Variants in DCLK2 observed in about 807,000 individuals in gnomAD.
DCLK2 encodes the protein doublecortin like kinase 2, also known as serine/threonine-protein kinase DCLK2.
DCLK2 carries 31 observed loss-of-function variants against 78.4 expected under a neutral mutation model. The ratio of observed to expected loss-of-function variants is 0.40; its 90% CI spans 0.30 to 0.53. The LOEUF is 0.53. DCLK2 is among the 20% of genes least tolerant of loss of function. The probability of loss-of-function intolerance (pLI) is 0.61; values close to 1 mark genes in which losing one functional copy is unlikely to be tolerated. For synonymous variants in DCLK2, 407 were observed against 374.9 expected, an observed-to-expected ratio of 1.09 and a Z score of -0.99; for missense variants, 872 against 973.7, an observed-to-expected ratio of 0.90 and a Z score of 1.39.
chr4:150,125,523 T>C (rs540599031), intron 2 of DCLK2, among the ~76,000 whole-genome samples: 18 of 152,268 alleles, frequency 1.2e-4, no homozygotes, highest in African/African-American at 4.3e-4. Context: ...CAATGTTTGG[T>C]AAGTGGGAAA....
chr4:150,240,948 C>T (rs1246743315), intron 12 of DCLK2, among the ~76,000 whole-genome samples: 1 of 152,122 alleles, frequency 6.6e-6, no homozygotes, highest in African/African-American at 2.4e-5. Context: ...ACCCATAATA[C>T]AGTGTCTACC....
intron 2 of DCLK2, 55 bp from the exon 3 acceptor site, chr4:150,193,083 T>C: frequency 1.8e-6 from 2 of 1,089,666 alleles, no homozygotes; most frequent in East Asian, 4.8e-5. Flanking sequence ...GTTTTGCTTT[T>C]CATTTCACTT....
Position 150,141,139 on chromosome 4 carries a change from G to GTGTTTCTTAAT in DCLK2, c.756+38329_756+38339dup, listed in dbSNP as rs1448020875. 2.6e-5 allele frequency among the ~76,000 whole-genome samples: 4 copies of GTGTTTCTTAAT among 152,136 alleles called. 1 individual carries two copies. Among genetic ancestry groups the GTGTTTCTTAAT allele is most frequent in the Non-Finnish European group, 5.9e-5 (4 of 68,030 alleles). ...TTAGCCTAAGAGTTTTAATTTCATAGTGTTTCTTAATTCTTAACACTAGGC... is the reference window on the plus strand; with the variant it reads ...TTAGCCTAAGAGTTTTAATTTCATAGTGTTTCTTAATTGTTTCTTAATTCTTAACACTAGGC... On this transcript the variant is annotated intron_variant, in intron 2 of 15. Transcript: ENST00000296550.
At chr4:150,202,735 C>T (rs1447142998) in intron 4 of DCLK2, among the ~76,000 whole-genome samples, 2 of 152,034 alleles carry the variant, frequency 1.3e-5, no homozygotes, top group African/African-American at 4.8e-5. Context: ...ATGAATGACA[C>T]TTTTCATCTA....
chr4:150,131,229 T>C (rs1733289101), intron 2 of DCLK2, among the ~76,000 whole-genome samples: 1 of 152,042 alleles, frequency 6.6e-6, no homozygotes, highest in Admixed American at 6.6e-5. Flanking sequence ...AGCTCACCAT[T>C]GTGTTAAGGC....
Position 150,256,461 on chromosome 4 carries a change from G to T in DCLK2, c.*214G>T. The T allele has an allele frequency of 3.5e-6, 2 of 576,678 alleles. No individual in the cohort carries two copies. Among genetic ancestry groups the T allele is most frequent in the Non-Finnish European group, 5.8e-6 (2 of 343,630 alleles). The allele number at this position is 576,678 out of a possible 1,614,324, so 35.7% of individuals were successfully genotyped here. ...CTTCTGGTTCCTGGAGGCATCAAAG[G>T]CTGCATCCGTTCTGCCAACAGCTGT... On this transcript the variant is annotated 3_prime_UTR_variant, in exon 16 of 16. Coordinates refer to ENST00000296550, the MANE Select transcript of DCLK2 (RefSeq NM_001040260.4).
At chr4:150,166,921 G>A (rs1736130755) in intron 2 of DCLK2, among the ~76,000 whole-genome samples, 1 of 152,160 alleles carries the variant, frequency 6.6e-6, no homozygotes, top group South Asian at 2.1e-4. Context: ...TTGTCTTAAG[G>A]ATAAGTGGTG....
chr4:150,174,461 C>T (rs969641019), intron 2 of DCLK2, among the ~76,000 whole-genome samples: 10 of 152,154 alleles, frequency 6.6e-5, no homozygotes, highest in East Asian at 5.8e-4. Flanking sequence ...TTGTCAGAAG[C>T]GGGGACTGCT....
chr4:150,170,703 A>G (rs895151858), intron 2 of DCLK2, among the ~76,000 whole-genome samples: 1 of 152,198 alleles, frequency 6.6e-6, no homozygotes, highest in Non-Finnish European at 1.5e-5. Context: ...CAATATTAAG[A>G]GGCTGAGTTA....
At chr4:150,215,467 A>G (rs1740626058) in intron 5 of DCLK2, among the ~76,000 whole-genome samples, 1 of 152,166 alleles carries the variant, frequency 6.6e-6, no homozygotes, top group Admixed American at 6.5e-5. Flanking sequence ...ATTAATTTGC[A>G]TTTCACTGAA....
At chr4:150,098,507 A>G (rs2150148583) in intron 1 of DCLK2, among the ~76,000 whole-genome samples, 1 of 152,116 alleles carries the variant, frequency 6.6e-6, no homozygotes, top group South Asian at 2.1e-4. Context: ...TTGAACTCTA[A>G]TTTTTATTTT....
intron 2 of DCLK2, among the ~76,000 whole-genome samples, chr4:150,177,343 G>T (rs1222311479): frequency 6.6e-6 from 1 of 152,040 alleles, no homozygotes; most frequent in African/African-American, 2.4e-5. Context: ...AAGAAGCCCT[G>T]TATGGAGTAA....
intron 4 of DCLK2, chr4:150,199,067 C>G: frequency 1.9e-6 from 3 of 1,596,396 alleles, no homozygotes; most frequent in Non-Finnish European, 2.5e-6. Flanking sequence ...TATTCTACAG[C>G]CAAATCCCCA....
chr4:150,231,615 T>C (rs1357889944), intron 8 of DCLK2, among the ~76,000 whole-genome samples: 1 of 152,202 alleles, frequency 6.6e-6, no homozygotes, highest in African/African-American at 2.4e-5. Context: ...ATTCTGTAAG[T>C]AAACATTTTG....
intron 2 of DCLK2, among the ~76,000 whole-genome samples, chr4:150,152,196 A>G (rs1034445303): frequency 6.6e-6 from 1 of 152,022 alleles, no homozygotes; most frequent in African/African-American, 2.4e-5. Context: ...AACCTTCAGT[A>G]TGTTAGCCTT....
At chr4:150,147,267 C>A (rs527671781) in intron 2 of DCLK2, among the ~76,000 whole-genome samples, 1 of 152,270 alleles carries the variant, frequency 6.6e-6, no homozygotes, top group Admixed American at 6.5e-5. Flanking sequence ...CACTGCCCTC[C>A]ATCCTGGGCA....
chr4:150,206,433 C>T (rs1271953363), intron 5 of DCLK2, among the ~76,000 whole-genome samples: 3 of 151,918 alleles, frequency 2.0e-5, no homozygotes, highest in Non-Finnish European at 4.4e-5. Flanking sequence ...CAAGATTGAA[C>T]ATAAGATTAT....
chr4:150,110,772 A>G (rs557571797), intron 2 of DCLK2, among the ~76,000 whole-genome samples: 1 of 152,288 alleles, frequency 6.6e-6, no homozygotes, highest in South Asian at 2.1e-4. Context: ...CAGGTAGAAG[A>G]ATGGCCTCTA....
chr4:150,256,443 T>A lies in DCLK2; in HGVS notation c.*196T>A. On this transcript the variant is annotated 3_prime_UTR_variant, in exon 16 of 16. Coordinates refer to ENST00000296550, the MANE Select transcript of DCLK2 (RefSeq NM_001040260.4). ...TGGTGCTCTGGGCTCTGCCTTCTGG[T>A]TCCTGGAGGCATCAAAGGCTGCATC... 1 of 657,878 alleles carries A rather than the reference T, an allele frequency of 1.5e-6. No individual in the cohort carries two copies. The highest frequency in any genetic ancestry group is 2.4e-6 in the Non-Finnish European group (1 of 411,304). 40.8% of individuals were successfully genotyped at this position (657,878 alleles called of 1,614,324 possible).
Sources: gnomAD v4.1 joint callset for allele counts (sites outside exome capture counted in the v4.1 genomes callset) on GRCh38, gnomAD v4.1.1 for gene constraint, MANE v1.5 for transcripts, NCBI Gene and HGNC (gene_info 2026-07-23, HGNC 2026-07-21) for gene names.